The following MINDY4B variants were observed in gnomAD, a reference collection of about 807,000 sequenced individuals.
MINDY4B encodes the protein inactive ubiquitin carboxyl-terminal hydrolase MINDY-4B.
A neutral mutation model predicts 16.7 loss-of-function variants in MINDY4B; 25 were observed. The ratio of observed to expected loss-of-function variants is 1.49; its 90% CI spans 1.09 to 2.09. The LOEUF (loss-of-function observed/expected upper bound fraction) is 2.09, where lower values mean the gene tolerates loss of function less well. Among genes scored for constraint, MINDY4B ranks in the 30% most tolerant of loss-of-function variants. The probability of loss-of-function intolerance (pLI) is 0.00; values close to 1 mark genes in which losing one functional copy is unlikely to be tolerated. For missense variants in MINDY4B, 327 were observed against 168.4 expected (o/e 1.94, Z -5.21); for synonymous variants, 132 against 61.9 (o/e 2.13, Z -5.32).
chr3:150,894,336 A>G (rs1436641251), intron 3 of MINDY4B, 31 bp from the exon 4 acceptor site: 1 of 676,434 alleles, frequency 1.5e-6, no homozygotes, highest in Non-Finnish European at 2.7e-6. Context: ...TGATTCAACA[A>G]AAGAGAATTC....
chr3:150,871,643 G>A (rs1439492841), intron 11 of MINDY4B, among the ~76,000 whole-genome samples: 1 of 152,096 alleles, frequency 6.6e-6, no homozygotes, highest in Non-Finnish European at 1.5e-5. Context: ...GAGGTCGGGA[G>A]TTCGAGACCA....
chr3:150,874,068 T>C (rs921937930), intron 10 of MINDY4B, among the ~76,000 whole-genome samples: 1 of 142,700 alleles, frequency 7.0e-6, no homozygotes, highest in African/African-American at 2.6e-5. Context: ...CAGGCTATAA[T>C]GCAGTGGTGT....
intron 3 of MINDY4B, among the ~76,000 whole-genome samples, chr3:150,895,712 G>A (rs1009637924): frequency 2.6e-5 from 4 of 152,146 alleles, no homozygotes; most frequent in Non-Finnish European, 5.9e-5. Context: ...TGATCTGCCG[G>A]TCTTGGCCTC....
intron 10 of MINDY4B, 117 bp from the exon 11 acceptor site, chr3:150,873,484 T>C: frequency 1.6e-6 from 1 of 618,742 alleles, no homozygotes; most frequent in Non-Finnish European, 2.9e-6. Context: ...ACTTGTCGCG[T>C]GCAGGGCACT....
chr3:150,888,552 G>A (rs1373844379), intron 7 of MINDY4B, among the ~76,000 whole-genome samples: 1 of 152,128 alleles, frequency 6.6e-6, no homozygotes, highest in Non-Finnish European at 1.5e-5. Flanking sequence ...ATAGTTGATG[G>A]GGGATTGGTA....
rs1711564121 is a variant in MINDY4B, at chr3:150,883,845, A to G, written c.825-73T>C. On this transcript the variant is annotated intron_variant, in intron 8 of 11. Transcript: ENST00000465419. The stretch of plus-strand genomic sequence containing the variant: ...GGGAGCCTGCAGCTTCTTTTCCCCC[A>G]AAACACAAAGCAGCAGTAACACGGG... 4.3e-6 allele frequency: 3 copies of G among 692,062 alleles called. No homozygotes were observed. The East Asian group carries it at 8.1e-5, about 19-fold the overall frequency. The allele number at this position is 692,062 out of a possible 1,614,324, so 42.9% of individuals were successfully genotyped here. A position where few individuals can be genotyped will look rare whatever the true frequency, so the allele number is the denominator to read the frequency against.
intron 5 of MINDY4B, among the ~76,000 whole-genome samples, chr3:150,891,350 T>C (rs1336843224): frequency 6.6e-6 from 1 of 152,232 alleles, no homozygotes; most frequent in Non-Finnish European, 1.5e-5. Flanking sequence ...ACTCTGCTTA[T>C]TTCCCAAACA....
chr3:150,874,639 G>C (rs1717050609), intron 10 of MINDY4B, among the ~76,000 whole-genome samples: 1 of 152,190 alleles, frequency 6.6e-6, no homozygotes, highest in Non-Finnish European at 1.5e-5. Flanking sequence ...TAACTGAAGA[G>C]ACCAATGTTG....
At chr3:150,878,697 G>A (rs963509584) in intron 10 of MINDY4B, among the ~76,000 whole-genome samples, 3 of 152,214 alleles carry the variant, frequency 2.0e-5, no homozygotes, top group Admixed American at 2.0e-4. Context: ...CTTCCAGTTT[G>A]TGAGCAGGCA....
rs1048210775 is a variant in MINDY4B, at chr3:150,890,362, C to T, written c.711G>A (p.Glu237=). 1.6e-6 allele frequency: 1 copy of T among 633,956 alleles called. No homozygotes were observed. The allele number at this position is 633,956 out of a possible 1,614,324, so 39.3% of individuals were successfully genotyped here. A position where few individuals can be genotyped will look rare whatever the true frequency, so the allele number is the denominator to read the frequency against. The change falls in exon 7 of 12, where the codon GAG becomes GAA. Residue 237 remains glutamate (E), a synonymous_variant. Coordinates refer to ENST00000465419, the MANE Select transcript of MINDY4B (RefSeq NM_001351281.2). ...AGATGAATTTCTCAGCGGCTTCTTT[C>T]TCTAAAAATTCAAACAGCTGGAGCT... is the stretch of plus-strand genomic sequence containing the variant. ...TERLQLFEFL[E]KEAAEKFIYD... is the part of the protein sequence containing the mutation.
intron 10 of MINDY4B, among the ~76,000 whole-genome samples, chr3:150,882,065 G>A (rs745570205): frequency 6.6e-6 from 1 of 152,176 alleles, no homozygotes; most frequent in Non-Finnish European, 1.5e-5. Context: ...GGAGGCTTGT[G>A]GGGGTTTACA....
chr3:150,901,028 C>T (rs1310568119), intron 3 of MINDY4B: 3 of 152,182 alleles, frequency 2.0e-5, no homozygotes, highest in Non-Finnish European at 4.4e-5. Flanking sequence ...AGGAAGCCTT[C>T]TGGAATTACT....
intron 7 of MINDY4B, among the ~76,000 whole-genome samples, chr3:150,888,988 A>G (rs1259855889): frequency 2.0e-5 from 3 of 152,184 alleles, no homozygotes; most frequent in African/African-American, 4.8e-5. Context: ...TGGATCCTCT[A>G]TATCTGTGTA....
In MINDY4B at chr3:150,885,392, AG is replaced by A. The variant is rs1385290271; in HGVS notation, c.799del (p.Leu267Ter). ...CCTTTCAAATGTTCTAGAGAAGATC[AG>A]GCTGTACAGAAACAGGATGACACCA... ...SHGVILFLYS[L>X]IFSRTFERLQ... is the part of the protein sequence containing the mutation. On this transcript the variant is annotated frameshift_variant, in exon 8 of 12. Transcript: ENST00000465419. LOFTEE classifies it high-confidence loss of function. The A allele has an allele frequency of 1.4e-6, 1 of 702,836 alleles. No homozygotes were observed. The highest frequency in any genetic ancestry group is 2.0e-5 in the Admixed American group (1 of 50,018). 43.5% of individuals were successfully genotyped at this position (702,836 alleles called of 1,614,324 possible). A position where few individuals can be genotyped will look rare whatever the true frequency, so the allele number is the denominator to read the frequency against.
At chr3:150,874,032 T>TTTAAA (rs35419618) in intron 10 of MINDY4B, among the ~76,000 whole-genome samples, 1 of 138,344 alleles carries the variant, frequency 7.2e-6, no homozygotes, top group Non-Finnish European at 1.5e-5. Flanking sequence ...TTTTTTTTTT[T>TTTAAA]AAAGACAGGA....
chr3:150,874,019 TTTTTTTTTTTTTTA>T lies in MINDY4B; in HGVS notation c.1060-666_1060-653del, dbSNP rs548327141. Among the ~76,000 whole-genome samples the T allele has an allele frequency of 5.1e-3, 751 of 147,320 alleles. 4 individuals are homozygous for T. The highest frequency in any genetic ancestry group is 0.018 in the African/African-American group (705 of 39,830). On this transcript the variant is annotated intron_variant, in intron 10 of 11. Transcript: ENST00000465419. ...ATTTAGCCTTGATTTTTTTTTTTTT[TTTTTTTTTTTTTTA>T]AAGACAGGATCTTGCTCTGTCATCC... is the stretch of plus-strand genomic sequence containing the variant.
intron 5 of MINDY4B, among the ~76,000 whole-genome samples, chr3:150,893,039 A>G (rs926169665): frequency 5.9e-5 from 9 of 152,012 alleles, no homozygotes; most frequent in African/African-American, 1.9e-4. Flanking sequence ...TCAAATATGG[A>G]CAAGTAGGCC....
In MINDY4B at chr3:150,891,020, TGA is replaced by T; in HGVS notation, c.603_604del (p.Gln202GlufsTer9). ...AGTGACAAGACAGATGGTGGCCTTCTGAGCTGCTCCTGCAGCCCACAGGATGC... is the reference window on the plus strand; with the variant it reads ...AGTGACAAGACAGATGGTGGCCTTCTGCTGCTCCTGCAGCCCACAGGATGC... On this transcript the variant is annotated frameshift_variant, in exon 6 of 12. Transcript: ENST00000465419. LOFTEE classifies it high-confidence loss of function. The T allele has an allele frequency of 2.8e-6, 2 of 702,888 alleles. No individual in the cohort carries two copies. The highest frequency in any genetic ancestry group is 5.2e-6 in the Non-Finnish European group (2 of 384,844). 43.5% of individuals were successfully genotyped at this position (702,888 alleles called of 1,614,324 possible). A position where few individuals can be genotyped will look rare whatever the true frequency, so the allele number is the denominator to read the frequency against.
chr3:150,893,909 T>C (rs142371844), intron 4 of MINDY4B, among the ~76,000 whole-genome samples: 1 of 152,128 alleles, frequency 6.6e-6, no homozygotes, highest in Admixed American at 6.5e-5. Flanking sequence ...CAGGCTGATC[T>C]TGAACTCCTG....
Sources: allele counts gnomAD v4.1 joint callset (sites outside exome capture counted in the v4.1 genomes callset), GRCh38; gene constraint gnomAD v4.1.1; transcripts MANE v1.5; gene names NCBI Gene and HGNC (gene_info 2026-07-23, HGNC 2026-07-21).